PCDHGA4: variants seen among roughly 807,000 people sequenced by gnomAD.
The protein encoded by PCDHGA4 is protocadherin gamma-A4.
Under a neutral mutation model 54.6 loss-of-function variants are expected in PCDHGA4, and 38 were observed. The ratio of observed to expected loss-of-function variants is 0.70; its 90% CI spans 0.54 to 0.91. PCDHGA4 has a LOEUF of 0.91. Ranked by LOEUF, PCDHGA4 falls within the 40% of genes least tolerant of loss-of-function variation. PCDHGA4 has a pLI of 0.00. For synonymous variants in PCDHGA4, 511 were observed against 512.9 expected, an observed-to-expected ratio of 1.00 and a Z score of 0.05; for missense variants, 1,298 against 1,220.9, an observed-to-expected ratio of 1.06 and a Z score of -0.94.
At position 141,487,219 on chromosome 5, in the gene PCDHGA4, A is replaced by G. The variant is rs750819958; in HGVS notation, c.2515-7588A>G. ...CAGATCTTCGAGAATCTTCAGCTCC[A>G]AGGGAAGGAGAATCTCGTCTAACCC... On this transcript the variant is annotated intron_variant, in intron 1 of 3. Transcript: ENST00000571252. This position sits in a 1 kb window ranked among gnomAD's most constrained non-coding sequence, Gnocchi z 5.0. The G allele has an allele frequency of 1.2e-6, 2 of 1,613,952 alleles. No individual in the cohort carries two copies. The highest frequency in any genetic ancestry group is 3.3e-5 in the Admixed American group (2 of 60,020).
At chr5:141,484,639 C>A (rs1366750263) in intron 1 of PCDHGA4, among the ~76,000 whole-genome samples, 1 of 151,938 alleles carries the variant, frequency 6.6e-6, no homozygotes, top group Non-Finnish European at 1.5e-5. Context: ...AGTGACCACT[C>A]TCCAATGGCT....
Position 141,490,849 on chromosome 5 carries a change from C to A in PCDHGA4, c.2515-3958C>A, listed in dbSNP as rs200640560. The A allele has an allele frequency of 6.2e-7, 1 of 1,613,748 alleles. No individual in the cohort carries two copies. Among genetic ancestry groups the A allele is most frequent in the Non-Finnish European group, 8.5e-7 (1 of 1,179,862 alleles). On this transcript the variant is annotated intron_variant, in intron 1 of 3. Coordinates refer to ENST00000571252, the MANE Select transcript of PCDHGA4 (RefSeq NM_018917.4). This position sits in a 1 kb window ranked among gnomAD's most constrained non-coding sequence, Gnocchi z 5.4. ...GATGCTGCAGATTGTGGTGGGGGTT[C>A]GAGACTCCGGCTCTCCCCCATTGCA...
In PCDHGA4 at chr5:141,423,756, G is replaced by A. The variant is rs544048105; in HGVS notation, c.2514+66135G>A. 1.6e-5 allele frequency: 7 copies of A among 448,620 alleles called. 1 individual carries two copies. Among genetic ancestry groups the A allele is most frequent in the Non-Finnish European group, 2.1e-5 (7 of 329,706 alleles). 27.8% of individuals were successfully genotyped at this position (448,620 alleles called of 1,614,324 possible). A position where few individuals can be genotyped will look rare whatever the true frequency, so the allele number is the denominator to read the frequency against. ...GCCTGTTATGAAAACTGTTTGGGGG[G>A]GGGGTGGGGCGGCATATATTTAGTT... On this transcript the variant is annotated intron_variant, in intron 1 of 3. Coordinates refer to ENST00000571252, the MANE Select transcript of PCDHGA4 (RefSeq NM_018917.4).
chr5:141,494,752 T>C (rs889400984), intron 1 of PCDHGA4, 55 bp from the exon 2 acceptor site: 18 of 1,612,206 alleles, frequency 1.1e-5, no homozygotes, highest in Non-Finnish European at 1.5e-5. Context: ...GGGGCTCGGG[T>C]GACATTCTAA....
chr5:141,389,191 T>A, intron 1 of PCDHGA4: 1 of 1,614,050 alleles, frequency 6.2e-7, no homozygotes, highest in Non-Finnish European at 8.5e-7. Context: ...AGTTCCAGCA[T>A]CACCCTGCAC....
In PCDHGA4 at chr5:141,421,081, A is replaced by C. The variant is rs775366249; in HGVS notation, c.2514+63460A>C. 61 of 637,820 alleles carry C rather than the reference A, an allele frequency of 9.6e-5. 1 individual carries two copies. The Middle Eastern group carries it at 2.9e-3, about 31-fold the overall frequency. The allele number at this position is 637,820 out of a possible 1,614,324, so 39.5% of individuals were successfully genotyped here. ...ACAAAGCGGAATGAGATGGATACTCACAGATCCTGACACTGGAGACTTAGA... is the reference window on the plus strand; with the variant it reads ...ACAAAGCGGAATGAGATGGATACTCCCAGATCCTGACACTGGAGACTTAGA... On this transcript the variant is annotated intron_variant, in intron 1 of 3. Coordinates refer to ENST00000571252, the MANE Select transcript of PCDHGA4 (RefSeq NM_018917.4).
At position 141,432,644 on chromosome 5, in the gene PCDHGA4, G is replaced by A; in HGVS notation, c.2515-62163G>A. The A allele has an allele frequency of 1.2e-6, 2 of 1,613,812 alleles. No homozygotes were observed. The highest frequency in any genetic ancestry group is 1.7e-6 in the Non-Finnish European group (2 of 1,179,942). ...TCTGCACACGGGCGAGGTGCGCACG[G>A]CGCGAGCCCTGCTGGACAGAGACGC... On this transcript the variant is annotated intron_variant, in intron 1 of 3. Coordinates refer to ENST00000571252, the MANE Select transcript of PCDHGA4 (RefSeq NM_018917.4). The surrounding 1 kb of genome is among the most constrained non-coding windows in gnomAD (Gnocchi z 6.0).
intron 1 of PCDHGA4, chr5:141,394,289 C>G (rs191844335): frequency 2.5e-6 from 4 of 1,613,954 alleles, no homozygotes; most frequent in Admixed American, 1.7e-5. Context: ...ACTCTGTGAC[C>G]GAGGACACGC....
In PCDHGA4 at chr5:141,477,041, C is replaced by A; in HGVS notation, c.2515-17766C>A. 3 of 1,614,242 alleles carry A rather than the reference C, an allele frequency of 1.9e-6. No individual in the cohort carries two copies. Among genetic ancestry groups the A allele is most frequent in the Admixed American group, 1.7e-5 (1 of 60,036 alleles). Reference sequence around the variant, plus strand: ...AACCGGGATGCTGACAATCAAGGGTCGGCTGGACTTCGAGGACACCAAACT... The same window carrying A: ...AACCGGGATGCTGACAATCAAGGGTAGGCTGGACTTCGAGGACACCAAACT... On this transcript the variant is annotated intron_variant, in intron 1 of 3. Transcript: ENST00000571252. The surrounding 1 kb of genome is among the most constrained non-coding windows in gnomAD (Gnocchi z 4.9).
At chr5:141,381,157 C>T (rs959682414) in intron 1 of PCDHGA4, among the ~76,000 whole-genome samples, 2 of 152,238 alleles carry the variant, frequency 1.3e-5, no homozygotes, top group African/African-American at 4.8e-5. Flanking sequence ...AAATAGGTTA[C>T]TTAGGAGCCT....
In PCDHGA4 at chr5:141,491,534, G is replaced by A. The variant is rs376996144; in HGVS notation, c.2515-3273G>A. On this transcript the variant is annotated intron_variant, in intron 1 of 3. Coordinates refer to ENST00000571252, the MANE Select transcript of PCDHGA4 (RefSeq NM_018917.4). This position sits in a 1 kb window ranked among gnomAD's most constrained non-coding sequence, Gnocchi z 6.9. The stretch of plus-strand genomic sequence containing the variant: ...CTCAAGTACATGGAGGTGACGCTGC[G>A]GCCCACAGACTCGCAGAGCCACTGC... The A allele has an allele frequency of 6.2e-7, 1 of 1,614,030 alleles. No homozygotes were observed. The highest frequency in any genetic ancestry group is 8.5e-7 in the Non-Finnish European group (1 of 1,180,028).
intron 1 of PCDHGA4, among the ~76,000 whole-genome samples, chr5:141,456,033 G>A (rs1398584179): frequency 6.6e-6 from 1 of 151,884 alleles, no homozygotes; most frequent in Non-Finnish European, 1.5e-5. Flanking sequence ...GAGTAGCTGG[G>A]ACTACAGGCG....
intron 1 of PCDHGA4, among the ~76,000 whole-genome samples, chr5:141,483,611 A>G (rs2099583566): frequency 6.6e-6 from 1 of 151,952 alleles, no homozygotes; most frequent in South Asian, 2.1e-4. Context: ...TTACACCTCC[A>G]TCATTCCCAT....
At position 141,371,994 on chromosome 5, in the gene PCDHGA4, G is replaced by T. The variant is rs769252405; in HGVS notation, c.2514+14373G>T. The T allele has an allele frequency of 1.2e-6, 2 of 1,613,246 alleles. No individual in the cohort carries two copies. Among genetic ancestry groups the T allele is most frequent in the Non-Finnish European group, 1.7e-6 (2 of 1,179,762 alleles). Reference sequence around the variant, plus strand: ...GCGTGCCTTCGAGCTCACTCTGCAGGCCCGCGACCAGGGCTCGCCTACGCT... The same window carrying T: ...GCGTGCCTTCGAGCTCACTCTGCAGTCCCGCGACCAGGGCTCGCCTACGCT... On this transcript the variant is annotated intron_variant, in intron 1 of 3. Coordinates refer to ENST00000571252, the MANE Select transcript of PCDHGA4 (RefSeq NM_018917.4).
At position 141,360,574 on chromosome 5, in the gene PCDHGA4, A is replaced by G. The variant is rs1761656122; in HGVS notation, c.2514+2953A>G. 3 of 1,613,862 alleles carry G rather than the reference A, an allele frequency of 1.9e-6. No homozygotes were observed. In the African/African-American group the frequency reaches 4.0e-5, roughly 22 times the overall value. ...TAATTTAAAAATTGGCGAATCCACT[A>G]AGCCAGGTACAACATTTCCACTTGA... On this transcript the variant is annotated intron_variant, in intron 1 of 3. Transcript: ENST00000571252.
intron 1 of PCDHGA4, chr5:141,418,063 G>C (rs2015825): frequency 1.9e-6 from 3 of 1,613,754 alleles, no homozygotes; most frequent in Admixed American, 1.7e-5. Flanking sequence ...AGCTGCGAGT[G>C]AGCGCGGAGA....
At chr5:141,357,746 GA>G in intron 1 of PCDHGA4, 125 bp downstream of exon 1, 1 of 1,173,014 alleles carries the variant, frequency 8.5e-7, no homozygotes, top group Admixed American at 2.8e-5. Context: ...TTGCTTTAAA[GA>G]AAACTGGTGG....
At position 141,484,932 on chromosome 5, in the gene PCDHGA4, C is replaced by T. The variant is rs1594431677; in HGVS notation, c.2515-9875C>T. On this transcript the variant is annotated intron_variant, in intron 1 of 3. Coordinates refer to ENST00000571252, the MANE Select transcript of PCDHGA4 (RefSeq NM_018917.4). ...CGCATTAACCCTGCTGCTGTTGGGA[C>T]GTTCTCTGCTCAGCCTATTGGCTGA... 1.2e-5 allele frequency: 6 copies of T among 501,356 alleles called. No individual in the cohort carries two copies. The East Asian group carries it at 1.4e-4, about 12-fold the overall frequency. 31.1% of individuals were successfully genotyped at this position (501,356 alleles called of 1,614,324 possible).
rs766168062 is a variant in PCDHGA4, at chr5:141,491,124, G to A, written c.2515-3683G>A. ...TCGTGTCTACACACACTGGTGAGGT[G>A]CGCACAGCCCGGGCCTTACTGGAGG... On this transcript the variant is annotated intron_variant, in intron 1 of 3. Transcript: ENST00000571252. The surrounding 1 kb of genome is among the most constrained non-coding windows in gnomAD (Gnocchi z 6.9). 22 of 1,614,092 alleles carry A rather than the reference G, an allele frequency of 1.4e-5. No individual in the cohort carries two copies. The highest frequency in any genetic ancestry group is 3.3e-5 in the Admixed American group (2 of 60,004).
Sources: allele counts gnomAD v4.1 joint callset (sites outside exome capture counted in the v4.1 genomes callset), GRCh38; gene constraint gnomAD v4.1.1; non-coding constraint Gnocchi (gnomAD v3.1); transcripts MANE v1.5; gene names NCBI Gene and HGNC (gene_info 2026-07-23, HGNC 2026-07-21).